Variants in CCDC13 observed in about 807,000 individuals in gnomAD.
CCDC13 encodes coiled-coil domain containing 13, also known as coiled-coil domain-containing protein 13.
CCDC13 carries 70 observed loss-of-function variants against 87.3 expected under a neutral mutation model. That is an observed-to-expected ratio of 0.80 (90% CI 0.66 to 0.98). The LOEUF (loss-of-function observed/expected upper bound fraction) is 0.98. Ranked by LOEUF, CCDC13 falls within the 50% of genes least tolerant of loss-of-function variation. The pLI is 0.00. For missense variants in CCDC13, 842 were observed against 892.0 expected, an observed-to-expected ratio of 0.94 and a Z score of 0.71; for synonymous variants, 317 against 360.3, an observed-to-expected ratio of 0.88 and a Z score of 1.36.
chr3:42,709,927 A>G (rs927290646), intron 14 of CCDC13, 129 bp from the exon 15 acceptor site: 2 of 693,106 alleles, frequency 2.9e-6, no homozygotes, highest in African/African-American at 1.8e-5. Flanking sequence ...TTCGGGGTGC[A>G]GGGCAACTCT....
At chr3:42,747,577 G>C (rs533708345) in intron 5 of CCDC13, among the ~76,000 whole-genome samples, 10 of 152,342 alleles carry the variant, frequency 6.6e-5, no homozygotes, top group African/African-American at 2.2e-4. Context: ...TGGAAGGTAA[G>C]TCCTCTACTT....
chr3:42,767,673 AC>A (rs1699957963), intron 1 of CCDC13, among the ~76,000 whole-genome samples: 1 of 152,210 alleles, frequency 6.6e-6, no homozygotes, highest in Admixed American at 6.5e-5. Context: ...ACACTACCTG[AC>A]CTTAAGACTT....
At chr3:42,723,127 T>A (rs533256437) in intron 13 of CCDC13, among the ~76,000 whole-genome samples, 34 of 152,282 alleles carry the variant, frequency 2.2e-4, no homozygotes, top group Middle Eastern at 3.4e-3. Context: ...AAACTTGCGT[T>A]TACTTTGCAC....
At chr3:42,721,839 T>C (rs1233247632) in intron 13 of CCDC13, among the ~76,000 whole-genome samples, 1 of 152,242 alleles carries the variant, frequency 6.6e-6, no homozygotes, top group South Asian at 2.1e-4. Flanking sequence ...GCAACTGACC[T>C]TGTTTATTCC....
chr3:42,729,570 C>T (rs1304440006), intron 13 of CCDC13, among the ~76,000 whole-genome samples: 1 of 152,238 alleles, frequency 6.6e-6, no homozygotes, highest in Non-Finnish European at 1.5e-5. Flanking sequence ...GGGCGCAGCA[C>T]TGGCCAGTTC....
intron 14 of CCDC13, among the ~76,000 whole-genome samples, chr3:42,711,082 C>T (rs1698298563): frequency 6.6e-6 from 1 of 151,934 alleles, no homozygotes; most frequent in Non-Finnish European, 1.5e-5. Context: ...ACCATCATTA[C>T]TAAAAATACA....
intron 13 of CCDC13, 136 bp downstream of exon 13, chr3:42,730,331 T>C: frequency 7.9e-7 from 1 of 1,260,770 alleles, no homozygotes; most frequent in Non-Finnish European, 1.1e-6. Flanking sequence ...GGCGCATGAG[T>C]TGTGGCTAGG....
intron 14 of CCDC13, among the ~76,000 whole-genome samples, chr3:42,711,476 C>T (rs1341424860): frequency 6.6e-6 from 1 of 152,136 alleles, no homozygotes; most frequent in Non-Finnish European, 1.5e-5. Context: ...ATAGTTTATG[C>T]CTCTAGAGCT....
At chr3:42,735,199 AGTGTGCTTC>A (rs1028484300) in intron 10 of CCDC13, among the ~76,000 whole-genome samples, 5 of 152,088 alleles carry the variant, frequency 3.3e-5, no homozygotes, top group Non-Finnish European at 2.9e-5. Context: ...GAGGGGAGGG[AGTGTGCTTC>A]ACGCTGCGCG....
chr3:42,751,882 G>A lies in CCDC13; in HGVS notation c.603+54C>T, dbSNP rs1201222445. On this transcript the variant is annotated intron_variant, in intron 5 of 15. Transcript: ENST00000310232. Reference sequence around the variant, plus strand: ...ACCTACACACCTGTGGAGGAGGGGAGGCCCAGGCCCATGGCTGCCTCACAG... The same window carrying A: ...ACCTACACACCTGTGGAGGAGGGGAAGCCCAGGCCCATGGCTGCCTCACAG... The A allele has an allele frequency of 2.3e-5, 35 of 1,516,338 alleles. No homozygotes were observed. In the Admixed American group the frequency reaches 5.5e-4, roughly 24 times the overall value. 93.9% of individuals were successfully genotyped at this position (1,516,338 alleles called of 1,614,324 possible).
chr3:42,708,918 G>C lies in CCDC13; in HGVS notation c.*62C>G, dbSNP rs972013117. The C allele has an allele frequency of 6.6e-6, 10 of 1,514,580 alleles. No individual in the cohort carries two copies. The highest frequency in any genetic ancestry group is 2.6e-5 in the South Asian group (2 of 76,570). The allele number at this position is 1,514,580 out of a possible 1,614,324, so 93.8% of individuals were successfully genotyped here. ...CCGGAGCAGATGGAGTCCTCAGACA[G>C]AGTCTTATCCTCTCAAGACCTGAGG... On this transcript the variant is annotated 3_prime_UTR_variant, in exon 16 of 16. Coordinates refer to ENST00000310232, the MANE Select transcript of CCDC13 (RefSeq NM_144719.4).
At position 42,713,279 on chromosome 3, in the gene CCDC13, T is replaced by G. The variant is rs1362681596; in HGVS notation, c.1756A>C (p.Arg586=). Residue 586 remains arginine, a synonymous_variant, in exon 14 of 16, where the codon AGG becomes CGG. Transcript: ENST00000310232. Reference sequence around the variant, plus strand: ...CGGTGTCGCTCCTCCTGCAGCTTCCTCTCTGACTCCAGGAGCTTGCTGTTG... The same window carrying G: ...CGGTGTCGCTCCTCCTGCAGCTTCCGCTCTGACTCCAGGAGCTTGCTGTTG... ...ESNSKLLESE[R]KLQEERHRTV... The G allele has an allele frequency of 1.2e-6, 2 of 1,614,132 alleles. No homozygotes were observed. Among genetic ancestry groups the G allele is most frequent in the Non-Finnish European group, 8.5e-7 (1 of 1,180,006 alleles).
At chr3:42,756,751 G>A (rs339679) in intron 3 of CCDC13, among the ~76,000 whole-genome samples, 6,972 of 152,116 alleles carry the variant, frequency 0.046, 554 homozygotes, top group African/African-American at 0.16. Flanking sequence ...TACATGCTGC[G>A]AGCATGATGG....
chr3:42,745,982 G>A lies in CCDC13; in HGVS notation c.766C>T (p.Leu256=), dbSNP rs1215315825. Residue 256 remains leucine, a synonymous_variant, in exon 7 of 16, where the codon CTA becomes TTA. Transcript: ENST00000310232. ...CCCCTCCAGGTCCCTGGCGAAGATA[G>A]GAGCTGCTGAACGTTGATGTCTTCC... ...VGEDINVQQL[L]SSPGTWRGRA... is the part of the protein sequence containing the mutation. 3 of 1,614,076 alleles carry A rather than the reference G, an allele frequency of 1.9e-6. No homozygotes were observed. The highest frequency in any genetic ancestry group is 1.3e-5 in the African/African-American group (1 of 74,924).
At position 42,739,717 on chromosome 3, in the gene CCDC13, T is replaced by G. The variant is rs1699152967; in HGVS notation, c.1081A>C (p.Ser361Arg). The change falls in exon 9 of 16, where the codon AGT becomes CGT. Residue 361 changes from serine (S) to arginine (R), a missense_variant. Ser to Arg is a moderately radical substitution (Grantham distance 110, BLOSUM62 -1). Coordinates refer to ENST00000310232, the MANE Select transcript of CCDC13 (RefSeq NM_144719.4). ...TGACTCTTGAGGGTCTTCATCTCAC[T>G]TGACAGCAGCTTGTTCCGAGACCTC... ...GMRSRNKLLS[S>R]EMKTLKSQMG... is the part of the protein sequence containing the mutation. The G allele has an allele frequency of 6.2e-7, 1 of 1,614,224 alleles. No homozygotes were observed. Among genetic ancestry groups the G allele is most frequent in the Non-Finnish European group, 8.5e-7 (1 of 1,180,028 alleles).
Position 42,732,912 on chromosome 3 carries a change from GC to G in CCDC13, c.1569del (p.Ser525ValfsTer136). The G allele has an allele frequency of 6.4e-7, 1 of 1,554,156 alleles. No individual in the cohort carries two copies. The highest frequency in any genetic ancestry group is 8.7e-7 in the Non-Finnish European group (1 of 1,148,106). On this transcript the variant is annotated frameshift_variant, in exon 12 of 16. Coordinates refer to ENST00000310232, the MANE Select transcript of CCDC13 (RefSeq NM_144719.4). LOFTEE classifies it high-confidence loss of function. ...LVESALTRPS[L>X]PSPHRTSPRF... is the part of the protein sequence containing the mutation. Reference sequence around the variant, plus strand: ...CTAGGTGAGGTCCTGTGGGGACTGGGCAGGGAAGGCCTCGTGAGAGCAGATT... The same window carrying G: ...CTAGGTGAGGTCCTGTGGGGACTGGGAGGGAAGGCCTCGTGAGAGCAGATT...
rs775010616 is a variant in CCDC13, at chr3:42,730,504, C to A, written c.1681G>T (p.Asp561Tyr). The A allele has an allele frequency of 6.2e-7, 1 of 1,614,142 alleles. No homozygotes were observed. The highest frequency in any genetic ancestry group is 1.7e-5 in the Admixed American group (1 of 60,030). The change falls in exon 13 of 16, where the codon GAC becomes TAC. Residue 561 changes from aspartate to tyrosine, a missense_variant. By Grantham distance (160) the Asp-to-Tyr change is radical. Coordinates refer to ENST00000310232, the MANE Select transcript of CCDC13 (RefSeq NM_144719.4). The part of the protein sequence containing the change: ...ALWQAAEVER[D>Y]RLTEFVTVLQ... ...ACAGTGACAAACTCGGTGAGCCGGTCACGCTCCACCTCGGCAGCCTGCCAG... is the reference window on the plus strand; with the variant it reads ...ACAGTGACAAACTCGGTGAGCCGGTAACGCTCCACCTCGGCAGCCTGCCAG...
chr3:42,733,511 C>A lies in CCDC13; in HGVS notation c.1470G>T (p.Pro490=). 1.9e-6 allele frequency: 3 copies of A among 1,614,136 alleles called. No individual in the cohort carries two copies. Among genetic ancestry groups the A allele is most frequent in the Non-Finnish European group, 2.5e-6 (3 of 1,180,024 alleles). ...TGCCAACATGATCGCCTGCTGAGGC[C>A]GGGGACTTGGTCAGGCCTGGGTCCT... ...FLEDPGLTKS[P]ASAGDHVGRL... The change falls in exon 11 of 16, where the codon CCG becomes CCT. Residue 490 remains proline, a synonymous_variant. Coordinates refer to ENST00000310232, the MANE Select transcript of CCDC13 (RefSeq NM_144719.4).
chr3:42,754,179 C>A (rs1169414094), intron 3 of CCDC13, among the ~76,000 whole-genome samples: 1 of 152,146 alleles, frequency 6.6e-6, no homozygotes, highest in Non-Finnish European at 1.5e-5. Flanking sequence ...AGAAGGGTGA[C>A]AACTGGTGGA....
Sources: gnomAD v4.1 joint callset for allele counts (sites outside exome capture counted in the v4.1 genomes callset) on GRCh38, gnomAD v4.1.1 for gene constraint, MANE v1.5 for transcripts, NCBI Gene and HGNC (gene_info 2026-07-23, HGNC 2026-07-21) for gene names.